Variants in XYLT1 observed in about 807,000 individuals in gnomAD.
The protein encoded by XYLT1 is xylosyltransferase 1.
A neutral mutation model predicts 91.3 loss-of-function variants in XYLT1; 36 were observed. The ratio of observed to expected loss-of-function variants is 0.39; its 90% CI spans 0.30 to 0.52. The LOEUF is 0.52. Ranked by LOEUF, XYLT1 falls within the 20% of genes least tolerant of loss-of-function variation. The pLI, the probability that XYLT1 is intolerant of heterozygous loss-of-function variation, is 0.68. For missense variants in XYLT1, 1,242 were observed against 1,284.5 expected (o/e 0.97, Z 0.51); for synonymous variants, 588 against 532.0 (o/e 1.11, Z -1.45).
intron 3 of XYLT1, among the ~76,000 whole-genome samples, chr16:17,245,500 T>C (rs570902480): frequency 1.3e-5 from 2 of 152,222 alleles, no homozygotes; most frequent in East Asian, 1.9e-4. Flanking sequence ...CCATTAAGAG[T>C]TTATCAAAGC....
chr16:17,325,468 A>G (rs2034786781), intron 2 of XYLT1, among the ~76,000 whole-genome samples: 1 of 152,108 alleles, frequency 6.6e-6, no homozygotes, highest in African/African-American at 2.4e-5. Flanking sequence ...GCCAATATTG[A>G]CCCTTTTCTG....
chr16:17,265,011 AC>A (rs2033782985), intron 2 of XYLT1, among the ~76,000 whole-genome samples: 1 of 152,002 alleles, frequency 6.6e-6, no homozygotes, highest in Non-Finnish European at 1.5e-5. Flanking sequence ...ACACTGTGAA[AC>A]CCCGTCTCTA....
At chr16:17,344,204 C>A (rs2141849597) in intron 2 of XYLT1, among the ~76,000 whole-genome samples, 1 of 152,112 alleles carries the variant, frequency 6.6e-6, no homozygotes, top group East Asian at 1.9e-4. Context: ...AAAGAATAAT[C>A]CTGTCCCAGG....
intron 1 of XYLT1, among the ~76,000 whole-genome samples, chr16:17,415,163 G>A (rs77697722): frequency 4.6e-5 from 7 of 152,114 alleles, no homozygotes; most frequent in African/African-American, 1.7e-4. Context: ...AGCTGGAATT[G>A]GTGCGTGCAG....
chr16:17,331,023 C>T (rs2034890196), intron 2 of XYLT1, among the ~76,000 whole-genome samples: 1 of 152,210 alleles, frequency 6.6e-6, no homozygotes, highest in African/African-American at 2.4e-5. Flanking sequence ...AAAGGGAGGG[C>T]TTATGCTCAA....
intron 2 of XYLT1, among the ~76,000 whole-genome samples, chr16:17,332,330 A>G (rs531102525): frequency 6.6e-6 from 1 of 152,230 alleles, no homozygotes; most frequent in East Asian, 1.9e-4. Flanking sequence ...GGAAGGCTGA[A>G]GCGGGCAGAT....
At chr16:17,461,946 C>T (rs955583591) in intron 1 of XYLT1, among the ~76,000 whole-genome samples, 5 of 152,122 alleles carry the variant, frequency 3.3e-5, no homozygotes, top group Non-Finnish European at 5.9e-5. Flanking sequence ...TCTTTTTAGT[C>T]CTTCCACAGT....
chr16:17,340,353 T>A (rs939097772), intron 2 of XYLT1, among the ~76,000 whole-genome samples: 3 of 152,240 alleles, frequency 2.0e-5, no homozygotes, highest in Non-Finnish European at 4.4e-5. Flanking sequence ...AGCTCAGCTG[T>A]CTTTCACAGG....
chr16:17,239,911 C>G (rs2033319915), intron 3 of XYLT1, among the ~76,000 whole-genome samples: 1 of 152,212 alleles, frequency 6.6e-6, no homozygotes, highest in South Asian at 2.1e-4. Flanking sequence ...TTCCATATAT[C>G]CACCCATCTT....
chr16:17,230,777 A>G (rs1198739471), intron 3 of XYLT1, among the ~76,000 whole-genome samples: 1 of 152,098 alleles, frequency 6.6e-6, no homozygotes, highest in Non-Finnish European at 1.5e-5. Flanking sequence ...TCTCTTCTCT[A>G]TGCTTTAAAT....
Position 17,465,143 on chromosome 16 carries a change from CAAAAAA to C in XYLT1, c.363+5285_363+5290del, listed in dbSNP as rs35623153. 1.5e-3 allele frequency among the ~76,000 whole-genome samples: 55 copies of C among 35,876 alleles called. 1 individual carries two copies. The highest frequency in any genetic ancestry group is 5.8e-3 in the African/African-American group (44 of 7,600). The allele number at this position is 35,876 out of a possible 152,430, so 23.5% of individuals were successfully genotyped here. On this transcript the variant is annotated intron_variant, in intron 1 of 11. Transcript: ENST00000261381. Reference sequence around the variant, plus strand: ...TGGGTGACAGAGCAAGATGCTGTCTCAAAAAAAAAAAAAAAAAAAAAAAAAAAAGAT... The same window carrying C: ...TGGGTGACAGAGCAAGATGCTGTCTCAAAAAAAAAAAAAAAAAAAAAAGAT...
At chr16:17,454,818 G>A (rs1159940246) in intron 1 of XYLT1, among the ~76,000 whole-genome samples, 2 of 149,760 alleles carry the variant, frequency 1.3e-5, no homozygotes, top group East Asian at 1.9e-4. Flanking sequence ...GGGATTACAG[G>A]CATGAGCCAC....
intron 3 of XYLT1, among the ~76,000 whole-genome samples, chr16:17,204,665 G>C (rs1312790013): frequency 2.6e-5 from 4 of 152,142 alleles, no homozygotes; most frequent in African/African-American, 4.8e-5. Flanking sequence ...TATCAAAACT[G>C]CTATGAAAAC....
intron 1 of XYLT1, among the ~76,000 whole-genome samples, chr16:17,467,670 C>T (rs919815951): frequency 5.3e-5 from 8 of 152,160 alleles, no homozygotes; most frequent in Non-Finnish European, 8.8e-5. Flanking sequence ...TCCACCGAAG[C>T]GCAGCTCCCC....
intron 2 of XYLT1, among the ~76,000 whole-genome samples, chr16:17,336,059 A>T (rs1441836777): frequency 6.6e-6 from 1 of 152,162 alleles, no homozygotes; most frequent in Non-Finnish European, 1.5e-5. Context: ...TTTGTAAAGG[A>T]AGAAGAGGAA....
chr16:17,434,267 T>C (rs755440356), intron 1 of XYLT1, among the ~76,000 whole-genome samples: 41 of 152,166 alleles, frequency 2.7e-4, no homozygotes, highest in Non-Finnish European at 1.2e-4. Context: ...GAATGAAGCA[T>C]GTCCCATCCA....
intron 1 of XYLT1, among the ~76,000 whole-genome samples, chr16:17,426,908 G>A (rs2036325495): frequency 6.6e-6 from 1 of 152,202 alleles, no homozygotes; most frequent in South Asian, 2.1e-4. Flanking sequence ...CTAAGAAGGT[G>A]TCAGCCATGC....
intron 6 of XYLT1, among the ~76,000 whole-genome samples, chr16:17,143,660 A>C (rs2031047827): frequency 6.6e-6 from 1 of 152,174 alleles, no homozygotes; most frequent in Non-Finnish European, 1.5e-5. Flanking sequence ...CATCGATCAG[A>C]TTGCAGACCA....
chr16:17,295,179 A>G (rs1009222323), intron 2 of XYLT1, among the ~76,000 whole-genome samples: 5 of 152,120 alleles, frequency 3.3e-5, no homozygotes, highest in Non-Finnish European at 7.4e-5. Flanking sequence ...GGGACAGGGA[A>G]ACTGCTGTGC....
Sources: allele counts gnomAD v4.1 joint callset (sites outside exome capture counted in the v4.1 genomes callset), GRCh38; gene constraint gnomAD v4.1.1; transcripts MANE v1.5; gene names NCBI Gene and HGNC (gene_info 2026-07-23, HGNC 2026-07-21).